Variants in MEI1 observed in about 807,000 individuals in gnomAD.
The protein encoded by MEI1 is meiotic double-stranded break formation protein 1.
MEI1 carries 103 observed loss-of-function variants against 146.2 expected under a neutral mutation model. That is an observed-to-expected ratio of 0.70 (90% CI 0.60 to 0.83). The LOEUF (loss-of-function observed/expected upper bound fraction) is 0.83. Ranked by LOEUF, MEI1 falls within the 40% of genes least tolerant of loss-of-function variation. MEI1 has a pLI of 0.00. For synonymous variants in MEI1, 652 were observed against 628.2 expected (o/e 1.04, Z -0.57); for missense variants, 1,529 against 1,533.0 (o/e 1.00, Z 0.04).
At chr22:41,734,888 C>T (rs1001776527) in intron 11 of MEI1, among the ~76,000 whole-genome samples, 3 of 151,714 alleles carry the variant, frequency 2.0e-5, no homozygotes, top group African/African-American at 7.3e-5. Flanking sequence ...CCACCTGTGT[C>T]GGCTTCCCAA....
chr22:41,767,525 A>G (rs2074933597), intron 19 of MEI1: 7 of 454,776 alleles, frequency 1.5e-5, no homozygotes, highest in South Asian at 7.8e-5. Context: ...GTGGGGATGG[A>G]TATTTCAGAG....
chr22:41,784,306 T>C, intron 24 of MEI1, 33 bp from the exon 25 acceptor site: 1 of 1,596,936 alleles, frequency 6.3e-7, no homozygotes, highest in South Asian at 1.1e-5. Context: ...TTCCAGAACA[T>C]GGGGGTTAGC....
Position 41,795,293 on chromosome 22 carries a change from G to GGC in MEI1, c.3535-117_3535-116dup, listed in dbSNP as rs2076322013. 6 of 1,404,200 alleles carry GGC rather than the reference G, an allele frequency of 4.3e-6. No homozygotes were observed. The highest frequency in any genetic ancestry group is 4.6e-5 in the East Asian group (2 of 43,150). 87.0% of individuals were successfully genotyped at this position (1,404,200 alleles called of 1,614,324 possible). On this transcript the variant is annotated intron_variant, in intron 28 of 30. Coordinates refer to ENST00000401548, the MANE Select transcript of MEI1 (RefSeq NM_152513.4). This position sits in a 1 kb window ranked among gnomAD's most constrained non-coding sequence, Gnocchi z 4.2. Reference sequence around the variant, plus strand: ...GCCCACTAACTCTGAGCTCCTTGAAGGCAGGCAGGTTCTGTGGGCTTCAGG... The same window carrying GGC: ...GCCCACTAACTCTGAGCTCCTTGAAGGCGCAGGCAGGTTCTGTGGGCTTCAGG...
chr22:41,744,819 A>G (rs569460235), intron 12 of MEI1, among the ~76,000 whole-genome samples, 154 bp from the exon 13 acceptor site: 1 of 149,778 alleles, frequency 6.7e-6, no homozygotes, highest in Admixed American at 6.7e-5. Context: ...TAAAGGAGCT[A>G]TTTGCAAGGA....
At chr22:41,769,287 G>A (rs1264400637) in intron 19 of MEI1, among the ~76,000 whole-genome samples, 3 of 152,122 alleles carry the variant, frequency 2.0e-5, no homozygotes, top group Non-Finnish European at 4.4e-5. Context: ...AATTTTTGAT[G>A]AGGATGCCAA....
chr22:41,736,101 T>A (rs748699507), intron 11 of MEI1, among the ~76,000 whole-genome samples: 1 of 152,150 alleles, frequency 6.6e-6, no homozygotes, highest in Non-Finnish European at 1.5e-5. Context: ...TCCCTGCCTC[T>A]TCCAGCTTCT....
At chr22:41,761,118 C>G (rs2074458908) in intron 18 of MEI1, among the ~76,000 whole-genome samples, 1 of 152,038 alleles carries the variant, frequency 6.6e-6, no homozygotes, top group African/African-American at 2.4e-5. Context: ...TCAAGACCAA[C>G]ATGACCAACA....
intron 20 of MEI1, 32 bp downstream of exon 20, chr22:41,770,993 G>A (rs760296895): frequency 6.3e-7 from 1 of 1,599,848 alleles, no homozygotes; most frequent in Non-Finnish European, 8.5e-7. Context: ...TCTACATTCA[G>A]AAATCGTGGG....
Position 41,704,105 on chromosome 22 carries a change from A to G in MEI1, c.298+651A>G, listed in dbSNP as rs549295261. On this transcript the variant is annotated intron_variant, in intron 2 of 30. Coordinates refer to ENST00000401548, the MANE Select transcript of MEI1 (RefSeq NM_152513.4). ...CTTACTTTCCCTCTCCTGTGCCTTA[A>G]TATCTTCATGTGTGAAGTATGATAG... Among the ~76,000 whole-genome samples the G allele has an allele frequency of 3.9e-5, 6 of 152,306 alleles. No homozygotes were observed. The South Asian group carries it at 1.2e-3, about 32-fold the overall frequency.
chr22:41,743,810 A>G (rs1017045244), intron 12 of MEI1, among the ~76,000 whole-genome samples: 5 of 152,212 alleles, frequency 3.3e-5, no homozygotes, highest in African/African-American at 1.2e-4. Context: ...CTTTCTGCAT[A>G]TAATAGACCA....
In MEI1 at chr22:41,740,645, G is replaced by T. The variant is rs141468418; in HGVS notation, c.1332-2435G>T. 1.1e-3 allele frequency among the ~76,000 whole-genome samples: 164 copies of T among 152,182 alleles called. 1 individual carries two copies. The highest frequency in any genetic ancestry group is 3.9e-3 in the African/African-American group (160 of 41,526). ...CTCAAGAGGCTGAGGCAGGAAGATT[G>T]CTTGAGCCCAGGAGATTGAGGCTGC... On this transcript the variant is annotated intron_variant, in intron 11 of 30. Transcript: ENST00000401548.
chr22:41,758,625 T>TG (rs2074255630), intron 18 of MEI1, 92 bp downstream of exon 18: 1 of 1,306,022 alleles, frequency 7.7e-7, no homozygotes, highest in Admixed American at 2.4e-5. Flanking sequence ...CCAAGCCTGA[T>TG]GCTGGGCACT....
At chr22:41,781,194 T>A (rs2075741621) in intron 22 of MEI1, 90 bp from the exon 23 acceptor site, 1 of 872,984 alleles carries the variant, frequency 1.1e-6, no homozygotes, top group Non-Finnish European at 1.9e-6. Context: ...TCCCCAAGAC[T>A]GACATCTGAA....
At chr22:41,732,446 G>C in intron 10 of MEI1, 23 bp from the exon 11 acceptor site, 1 of 1,613,640 alleles carries the variant, frequency 6.2e-7, no homozygotes, top group Non-Finnish European at 8.5e-7. Context: ...TCACCTACTC[G>C]TTTCTCATCT....
intron 14 of MEI1, 85 bp from the exon 15 acceptor site, chr22:41,748,022 T>C (rs1170451876): frequency 1.1e-6 from 1 of 874,120 alleles, no homozygotes; most frequent in African/African-American, 1.7e-5. Flanking sequence ...AAGGAGTTGC[T>C]AGATTTGATG....
intron 11 of MEI1, among the ~76,000 whole-genome samples, chr22:41,742,083 A>G (rs1054849032): frequency 2.6e-5 from 4 of 151,494 alleles, no homozygotes; most frequent in Non-Finnish European, 5.9e-5. Flanking sequence ...AACATGGTGA[A>G]ATCTCATCTC....
chr22:41,724,758 T>A (rs2071170766), intron 7 of MEI1, among the ~76,000 whole-genome samples: 1 of 151,398 alleles, frequency 6.6e-6, no homozygotes, highest in Admixed American at 6.6e-5. Flanking sequence ...GCCACTACAC[T>A]CCAGCCTGGG....
chr22:41,790,457 A>C (rs900375273), intron 26 of MEI1, among the ~76,000 whole-genome samples: 1 of 152,102 alleles, frequency 6.6e-6, no homozygotes, highest in Admixed American at 6.5e-5. Flanking sequence ...TATTTATTCC[A>C]CAGTAACCCA....
At chr22:41,758,971 T>C (rs1347284142) in intron 18 of MEI1, among the ~76,000 whole-genome samples, 1 of 151,980 alleles carries the variant, frequency 6.6e-6, no homozygotes, top group African/African-American at 2.4e-5. Context: ...GGCGAAACCC[T>C]GTCTCCACAA....
Sources: gnomAD v4.1 joint callset for allele counts (sites outside exome capture counted in the v4.1 genomes callset) on GRCh38, gnomAD v4.1.1 for gene constraint, Gnocchi (gnomAD v3.1) non-coding constraint, MANE v1.5 for transcripts, NCBI Gene and HGNC (gene_info 2026-07-23, HGNC 2026-07-21) for gene names.